GEN1: variants seen among roughly 807,000 people sequenced by gnomAD.
The protein encoded by GEN1 is flap endonuclease GEN homolog 1.
Under a neutral mutation model 67.6 loss-of-function variants are expected in GEN1, and 64 were observed. That is an observed-to-expected ratio of 0.95 (90% CI 0.77 to 1.17). GEN1 has a LOEUF of 1.17. Ranked by LOEUF, GEN1 falls within the 50% of genes most tolerant of loss-of-function variation. GEN1 has a pLI of 0.00. For missense variants in GEN1, 1,058 were observed against 1,048.3 expected, an observed-to-expected ratio of 1.01 and a Z score of -0.13; for synonymous variants, 371 against 359.4, an observed-to-expected ratio of 1.03 and a Z score of -0.37.
At chr2:17,774,198 T>C (rs374121821) in intron 10 of GEN1, 73 bp from the exon 11 acceptor site, 10 of 728,618 alleles carry the variant, frequency 1.4e-5, no homozygotes, top group African/African-American at 1.3e-4. Context: ...GGAAAAAATA[T>C]TAATATCACC....
intron 2 of GEN1, 29 bp downstream of exon 2, chr2:17,760,133 G>A (rs759745089): frequency 3.1e-6 from 5 of 1,595,444 alleles, no homozygotes; most frequent in Middle Eastern, 1.7e-4. Flanking sequence ...CAGTATAAAT[G>A]TATGATGTAT....
chr2:17,770,573 G>A (rs1191994789), intron 6 of GEN1, among the ~76,000 whole-genome samples: 1 of 152,036 alleles, frequency 6.6e-6, no homozygotes, highest in African/African-American at 2.4e-5. Flanking sequence ...TGTTAACCTG[G>A]AACTTTAGCC....
intron 1 of GEN1, among the ~76,000 whole-genome samples, chr2:17,758,575 T>A (rs912437306): frequency 4.6e-5 from 7 of 152,328 alleles, no homozygotes; most frequent in Non-Finnish European, 1.0e-4. Flanking sequence ...AAATAGACAA[T>A]ATTCTGGGCC....
At position 17,781,699 on chromosome 2, in the gene GEN1, A is replaced by G. The variant is rs1236833680; in HGVS notation, c.2487A>G (p.Ser829=). ...RMKHSSQKHN[S]SHFKESGHNK... is the part of the protein sequence containing the mutation. ...AGCACAGTTCTCAAAAGCATAATTCATCCCATTTCAAAGAAAGTGGCCATA... is the reference window on the plus strand; with the variant it reads ...AGCACAGTTCTCAAAAGCATAATTCGTCCCATTTCAAAGAAAGTGGCCATA... Residue 829 remains serine, a synonymous_variant, in exon 14 of 14, where the codon TCA becomes TCG. Coordinates refer to ENST00000381254, the MANE Select transcript of GEN1 (RefSeq NM_001130009.3). The G allele has an allele frequency of 1.5e-5, 25 of 1,613,750 alleles. No individual in the cohort carries two copies. The highest frequency in any genetic ancestry group is 1.9e-5 in the Non-Finnish European group (23 of 1,179,852).
chr2:17,754,289 C>T lies in GEN1; in HGVS notation c.-72C>T, dbSNP rs1228527479. 1 of 151,962 alleles carries T rather than the reference C, an allele frequency of 6.6e-6. No homozygotes were observed. The highest frequency in any genetic ancestry group is 2.4e-5 in the African/African-American group (1 of 41,350). 9.4% of individuals were successfully genotyped at this position (151,962 alleles called of 1,614,324 possible). On this transcript the variant is annotated 5_prime_UTR_variant, in exon 1 of 14. Transcript: ENST00000381254. Reference sequence around the variant, plus strand: ...GAGGCACAGTAGTTAGGATTCAGGCCAAACTGGTAAATGACGAAGGGGCTT... The same window carrying T: ...GAGGCACAGTAGTTAGGATTCAGGCTAAACTGGTAAATGACGAAGGGGCTT...
intron 11 of GEN1, 27 bp from the exon 12 acceptor site, chr2:17,777,975 A>G (rs767075329): frequency 3.0e-5 from 39 of 1,300,204 alleles, no homozygotes; most frequent in Non-Finnish European, 4.3e-5. Context: ...ATGCAATTAG[A>G]CTTCATTAAA....
rs1673015798 is a variant in GEN1, at chr2:17,785,153, CTCA to C, written c.*3220_*3222del. 1.3e-5 allele frequency: 2 copies of C among 152,376 alleles called. No individual in the cohort carries two copies. The highest frequency in any genetic ancestry group is 4.2e-4 in the South Asian group (2 of 4,818). The allele number at this position is 152,376 out of a possible 1,614,324, so 9.4% of individuals were successfully genotyped here. On this transcript the variant is annotated 3_prime_UTR_variant, in exon 14 of 14. Coordinates refer to ENST00000381254, the MANE Select transcript of GEN1 (RefSeq NM_001130009.3). Reference sequence around the variant, plus strand: ...AGCTTCATCCCACAGCCATCTCCCCCTCATCATCCGTGGAAAAACTGTTTTCCA... The same window carrying C: ...AGCTTCATCCCACAGCCATCTCCCCCTCATCCGTGGAAAAACTGTTTTCCA...
chr2:17,778,184 A>ATACACACACACATATGTGTATATATGTG, intron 12 of GEN1, 121 bp downstream of exon 12: 1 of 365,850 alleles, frequency 2.7e-6, no homozygotes, highest in Admixed American at 4.9e-5. Flanking sequence ...GTATATATAT[A>ATACACACACACATATGTGTATATATGTG]TATACACACA....
At position 17,761,507 on chromosome 2, in the gene GEN1, G is replaced by GA. The variant is rs770502880; in HGVS notation, c.273_274insA (p.Ser92IlefsTer20). On this transcript the variant is annotated frameshift_variant, in exon 3 of 14. Coordinates refer to ENST00000381254, the MANE Select transcript of GEN1 (RefSeq NM_001130009.3). LOFTEE classifies it high-confidence loss of function. Reference sequence around the variant, plus strand: ...CTGATGTCATAAGCAAGAGGAATCAGTCTCGGTATGGGTCTTCTGGAAAAT... The same window carrying GA: ...CTGATGTCATAAGCAAGAGGAATCAGATCTCGGTATGGGTCTTCTGGAAAAT... 9.9e-6 allele frequency: 16 copies of GA among 1,613,350 alleles called. No individual in the cohort carries two copies. In the African/African-American group the frequency reaches 2.1e-4, roughly 22 times the overall value.
At position 17,754,300 on chromosome 2, in the gene GEN1, A is replaced by T. The variant is rs1671284237; in HGVS notation, c.-61A>T. On this transcript the variant is annotated 5_prime_UTR_variant, in exon 1 of 14. An upstream start codon of the reference 5' UTR is lost. Transcript: ENST00000381254. Reference sequence around the variant, plus strand: ...GTTAGGATTCAGGCCAAACTGGTAAATGACGAAGGGGCTTCTTCCAGAGCC... The same window carrying T: ...GTTAGGATTCAGGCCAAACTGGTAATTGACGAAGGGGCTTCTTCCAGAGCC... 1 of 152,058 alleles carries T rather than the reference A, an allele frequency of 6.6e-6. No homozygotes were observed. Among genetic ancestry groups the T allele is most frequent in the Non-Finnish European group, 1.5e-5 (1 of 68,040 alleles). The allele number at this position is 152,058 out of a possible 1,614,324, so 9.4% of individuals were successfully genotyped here.
chr2:17,770,262 A>AT (rs1672121132), intron 6 of GEN1, among the ~76,000 whole-genome samples: 1 of 152,154 alleles, frequency 6.6e-6, no homozygotes, highest in Admixed American at 6.5e-5. Context: ...TTATTTTATA[A>AT]TTATCTATTA....
rs774710637 is a variant in GEN1, at chr2:17,761,576, AAG to A, written c.347_348del (p.Glu116ValfsTer20). 2 of 1,596,760 alleles carry A rather than the reference AAG, an allele frequency of 1.3e-6. No individual in the cohort carries two copies. Among genetic ancestry groups the A allele is most frequent in the Non-Finnish European group, 1.7e-6 (2 of 1,173,396 alleles). ...GGAGATCACATTTTAAATCAGTCTT[AAG>A]AGAGGTGAGCATTCAGATTTGATTC... is the stretch of plus-strand genomic sequence containing the variant. Reference protein sequence around the residue: ...TGRSHFKSVLRECLHMLECLG... With the variant: ...TGRSHFKSVLXECLHMLECLG... On this transcript the variant is annotated frameshift_variant, in exon 3 of 14. Transcript: ENST00000381254. LOFTEE classifies it high-confidence loss of function.
At chr2:17,773,351 T>C (rs1170748750) in intron 10 of GEN1, 52 bp downstream of exon 10, 2 of 1,072,034 alleles carry the variant, frequency 1.9e-6, no homozygotes, top group African/African-American at 1.6e-5. Context: ...GCTGGAAAGA[T>C]AGGAACAGAT....
At chr2:17,757,546 A>T (rs191490725) in intron 1 of GEN1, among the ~76,000 whole-genome samples, 32 of 152,318 alleles carry the variant, frequency 2.1e-4, no homozygotes, top group South Asian at 4.1e-4. Flanking sequence ...GAAAGGAATC[A>T]TTAGAAACAG....
At position 17,778,469 on chromosome 2, in the gene GEN1, T is replaced by C. The variant is rs1428523495; in HGVS notation, c.1264+406T>C. Among the ~76,000 whole-genome samples the C allele has an allele frequency of 1.1e-4, 16 of 147,882 alleles. 1 individual carries two copies. Among genetic ancestry groups the C allele is most frequent in the African/African-American group, 3.8e-4 (15 of 39,100 alleles). ...ATATATGTGTGTACATATATGTATATACACACACAGCATGTGTGTGAAAAA... is the reference window on the plus strand; with the variant it reads ...ATATATGTGTGTACATATATGTATACACACACACAGCATGTGTGTGAAAAA... On this transcript the variant is annotated intron_variant, in intron 12 of 13. Transcript: ENST00000381254.
rs750460374 is a variant in GEN1, at chr2:17,780,945, C to T, written c.1733C>T (p.Ser578Phe). The T allele has an allele frequency of 8.7e-6, 14 of 1,602,656 alleles. No individual in the cohort carries two copies. In the South Asian group the frequency reaches 1.2e-4, roughly 14 times the overall value. ...SQPNTSSHNI[S>F]VIADLHLSTI... ...CCCAATACCTCATCTCATAATATATCCGTGATTGCTGATCTACACTTGAGC... is the reference window on the plus strand; with the variant it reads ...CCCAATACCTCATCTCATAATATATTCGTGATTGCTGATCTACACTTGAGC... Residue 578 changes from serine (S) to phenylalanine (F), a missense_variant, in exon 14 of 14, where the codon TCC becomes TTC. Transcript: ENST00000381254.
In GEN1 at chr2:17,763,998, G is replaced by C. The variant is rs576746120; in HGVS notation, c.349-899G>C. Among the ~76,000 whole-genome samples the C allele has an allele frequency of 2.0e-5, 3 of 152,298 alleles. No individual in the cohort carries two copies. The South Asian group carries it at 6.2e-4, about 32-fold the overall frequency. On this transcript the variant is annotated intron_variant, in intron 3 of 13. Coordinates refer to ENST00000381254, the MANE Select transcript of GEN1 (RefSeq NM_001130009.3). ...CTCCCCACCATACTCAGTAGTCCCT[G>C]ATAGAGAATGATACATGACAAAAAA...
At chr2:17,768,057 T>C (rs1057021551) in intron 5 of GEN1, among the ~76,000 whole-genome samples, 5 of 152,298 alleles carry the variant, frequency 3.3e-5, no homozygotes, top group Non-Finnish European at 7.4e-5. Context: ...ATACTCAGAA[T>C]GCTTGGGCAG....
chr2:17,760,275 C>T (rs572369407), intron 2 of GEN1, among the ~76,000 whole-genome samples, 171 bp downstream of exon 2: 23 of 152,148 alleles, frequency 1.5e-4, no homozygotes, highest in African/African-American at 5.5e-4. Context: ...GACTCACATT[C>T]GTACCTCTTA....
Sources: gnomAD v4.1 joint callset for allele counts (sites outside exome capture counted in the v4.1 genomes callset) on GRCh38, gnomAD v4.1.1 for gene constraint, MANE v1.5 for transcripts, NCBI Gene and HGNC (gene_info 2026-07-23, HGNC 2026-07-21) for gene names.